ASCC3: variants seen among roughly 807,000 people sequenced by gnomAD.
The protein encoded by ASCC3 is activating signal cointegrator 1 complex subunit 3.
A neutral mutation model predicts 256.3 loss-of-function variants in ASCC3; 158 were observed. The ratio of observed to expected loss-of-function variants is 0.62; its 90% CI spans 0.54 to 0.70. The LOEUF (loss-of-function observed/expected upper bound fraction) is 0.70, where lower values mean the gene tolerates loss of function less well. ASCC3 is among the 30% of genes least tolerant of loss of function. The probability of loss-of-function intolerance (pLI) is 0.00; values close to 1 mark genes in which losing one functional copy is unlikely to be tolerated. For synonymous variants in ASCC3, 948 were observed against 883.4 expected, an observed-to-expected ratio of 1.07 and a Z score of -1.30; for missense variants, 2,259 against 2,626.0, an observed-to-expected ratio of 0.86 and a Z score of 3.05.
At chr6:100,622,877 C>T (rs1774029338) in intron 30 of ASCC3, among the ~76,000 whole-genome samples, 1 of 151,858 alleles carries the variant, frequency 6.6e-6, no homozygotes, top group Non-Finnish European at 1.5e-5. Context: ...TTCTTTAGGT[C>T]TCATATATTA....
At chr6:100,580,244 C>A (rs926571020) in intron 36 of ASCC3, among the ~76,000 whole-genome samples, 2 of 151,654 alleles carry the variant, frequency 1.3e-5, no homozygotes, top group African/African-American at 4.8e-5. Flanking sequence ...CTACATAAAG[C>A]GTAAGAATTC....
At chr6:100,712,562 A>G (rs908095701) in intron 13 of ASCC3, among the ~76,000 whole-genome samples, 3 of 152,122 alleles carry the variant, frequency 2.0e-5, no homozygotes, top group East Asian at 3.8e-4. Context: ...ACAAGATACC[A>G]TTACACACCT....
intron 36 of ASCC3, among the ~76,000 whole-genome samples, chr6:100,581,151 C>T (rs968926249): frequency 6.6e-6 from 1 of 152,152 alleles, no homozygotes; most frequent in African/African-American, 2.4e-5. Context: ...CCTGAGGAAT[C>T]GCCACACTGA....
At chr6:100,532,378 GTATATATATA>G (rs1219461410) in intron 37 of ASCC3, among the ~76,000 whole-genome samples, 1 of 69,082 alleles carries the variant, frequency 1.4e-5, no homozygotes, top group Non-Finnish European at 2.8e-5. Flanking sequence ...GTGTATGTGT[GTATATATATA>G]TATATATATA....
intron 3 of ASCC3, among the ~76,000 whole-genome samples, chr6:100,852,856 TATA>T: frequency 6.6e-6 from 1 of 152,080 alleles, no homozygotes; most frequent in Non-Finnish European, 1.5e-5. Flanking sequence ...TCAACTGTAA[TATA>T]TTTAAAAGGA....
At chr6:100,783,934 T>G (rs1285130868) in intron 8 of ASCC3, among the ~76,000 whole-genome samples, 1 of 152,150 alleles carries the variant, frequency 6.6e-6, no homozygotes, top group East Asian at 1.9e-4. Context: ...GTAGGTCTTT[T>G]TATCGTCCTT....
intron 3 of ASCC3, among the ~76,000 whole-genome samples, chr6:100,853,361 T>G (rs989379856): frequency 6.6e-6 from 1 of 151,982 alleles, no homozygotes; most frequent in Non-Finnish European, 1.5e-5. Context: ...GAGTAGAAAA[T>G]TTTAATTAAA....
chr6:100,704,114 C>G (rs1163045860), intron 13 of ASCC3, among the ~76,000 whole-genome samples: 1 of 151,378 alleles, frequency 6.6e-6, no homozygotes, highest in Non-Finnish European at 1.5e-5. Context: ...CTCAACAGAG[C>G]TTTTCACTTT....
At chr6:100,643,527 T>C (rs930589543) in intron 23 of ASCC3, among the ~76,000 whole-genome samples, 6 of 152,136 alleles carry the variant, frequency 3.9e-5, no homozygotes, top group African/African-American at 4.8e-5. Flanking sequence ...TGTCATTACG[T>C]AATTTTGTCT....
chr6:100,763,103 T>C (rs191512666), intron 10 of ASCC3, among the ~76,000 whole-genome samples: 55 of 152,254 alleles, frequency 3.6e-4, no homozygotes, highest in African/African-American at 1.3e-3. Context: ...AAGTTGAATA[T>C]GTATGTACTC....
chr6:100,869,833 C>T (rs1045152070), intron 1 of ASCC3, among the ~76,000 whole-genome samples: 13 of 152,216 alleles, frequency 8.5e-5, no homozygotes, highest in Middle Eastern at 3.4e-3. Context: ...AACAACCAAA[C>T]GTAGCTGGTG....
At chr6:100,879,761 C>T (rs1047367829) in intron 1 of ASCC3, among the ~76,000 whole-genome samples, 11 of 152,186 alleles carry the variant, frequency 7.2e-5, no homozygotes, top group Non-Finnish European at 1.6e-4. Flanking sequence ...TCTGAAATGG[C>T]AAACCACTGG....
intron 15 of ASCC3, 116 bp downstream of exon 15, chr6:100,662,229 A>C (rs1776257957): frequency 8.2e-7 from 1 of 1,214,050 alleles, no homozygotes; most frequent in Non-Finnish European, 1.1e-6. Flanking sequence ...CCTTTTATAA[A>C]TAACATTCAA....
At chr6:100,717,052 C>T (rs890090230) in intron 12 of ASCC3, among the ~76,000 whole-genome samples, 2 of 151,738 alleles carry the variant, frequency 1.3e-5, no homozygotes, top group African/African-American at 2.4e-5. Flanking sequence ...GCACTTGAAA[C>T]AATTATGAAG....
intron 25 of ASCC3, among the ~76,000 whole-genome samples, 197 bp downstream of exon 25, chr6:100,638,404 A>G: frequency 6.6e-6 from 1 of 152,200 alleles, no homozygotes; most frequent in South Asian, 2.1e-4. Flanking sequence ...TTATTGTGAC[A>G]TTCACTATAT....
chr6:100,680,100 T>G (rs965658580), intron 13 of ASCC3, among the ~76,000 whole-genome samples: 1 of 152,200 alleles, frequency 6.6e-6, no homozygotes, highest in Non-Finnish European at 1.5e-5. Context: ...CTACCATCAG[T>G]TAAATTTCCA....
chr6:100,695,195 T>C (rs7753015), intron 13 of ASCC3, among the ~76,000 whole-genome samples: 6,452 of 152,074 alleles, frequency 0.042, 238 homozygotes, highest in East Asian at 0.19. Context: ...CTTTGAAAAA[T>C]GTCAAAGTCA....
intron 10 of ASCC3, among the ~76,000 whole-genome samples, chr6:100,729,506 A>G (rs904142145): frequency 2.0e-5 from 3 of 152,186 alleles, no homozygotes; most frequent in African/African-American, 7.2e-5. Flanking sequence ...TTCATTATAC[A>G]TAAAATGGAG....
chr6:100,752,397 T>C (rs1582809946), intron 10 of ASCC3, among the ~76,000 whole-genome samples: 1 of 152,150 alleles, frequency 6.6e-6, no homozygotes, highest in East Asian at 1.9e-4. Context: ...AAATTATATA[T>C]GGAAACCCAA....
Sources: gnomAD v4.1 joint callset for allele counts (sites outside exome capture counted in the v4.1 genomes callset) on GRCh38, gnomAD v4.1.1 for gene constraint, MANE v1.5 for transcripts, NCBI Gene and HGNC (gene_info 2026-07-23, HGNC 2026-07-21) for gene names.